The following SYBU variants were observed in gnomAD, a reference collection of about 807,000 sequenced individuals.
SYBU encodes the protein GOLSYN A protein.
SYBU carries 21 observed loss-of-function variants against 35.9 expected under a neutral mutation model. The observed-to-expected ratio is 0.58, with a 90% CI of 0.41 to 0.84. The LOEUF (loss-of-function observed/expected upper bound fraction) is 0.84, where lower values mean the gene tolerates loss of function less well. SYBU is among the 40% of genes least tolerant of loss of function. SYBU has a pLI of 0.00. For synonymous variants in SYBU, 319 were observed against 324.3 expected, an observed-to-expected ratio of 0.98 and a Z score of 0.18; for missense variants, 768 against 848.2, an observed-to-expected ratio of 0.91 and a Z score of 1.17.
chr8:109,644,791 G>GCGC lies in SYBU; in HGVS notation c.-135_-133dup, dbSNP rs985244761. 3.3e-6 allele frequency: 3 copies of GCGC among 907,362 alleles called. No homozygotes were observed. The highest frequency in any genetic ancestry group is 4.3e-5 in the Admixed American group (1 of 23,258). 56.2% of individuals were successfully genotyped at this position (907,362 alleles called of 1,614,324 possible). Reference sequence around the variant, plus strand: ...CGGCGGCTCTTGGTGAGGCTCCAACGCGCCGCCGCCGCCACTGCCGCCGAT... The same window carrying GCGC: ...CGGCGGCTCTTGGTGAGGCTCCAACGCGCCGCCGCCGCCGCCACTGCCGCCGAT... On this transcript the variant is annotated 5_prime_UTR_variant, in exon 1 of 7. Coordinates refer to ENST00000276646, the MANE Select transcript of SYBU (RefSeq NM_001099754.2).
chr8:109,590,718 A>T (rs575950907), intron 3 of SYBU, among the ~76,000 whole-genome samples: 16 of 151,986 alleles, frequency 1.1e-4, no homozygotes, highest in African/African-American at 3.4e-4. Flanking sequence ...TATTTCTAAC[A>T]CATGATAAAA....
chr8:109,641,437 A>G (rs138885234), intron 2 of SYBU, among the ~76,000 whole-genome samples: 170 of 152,380 alleles, frequency 1.1e-3, no homozygotes, highest in African/African-American at 3.7e-3. Context: ...CAAGGCAAGT[A>G]TTATAATCTC....
At chr8:109,594,964 T>C (rs1441098914) in intron 3 of SYBU, among the ~76,000 whole-genome samples, 1 of 152,246 alleles carries the variant, frequency 6.6e-6, no homozygotes, top group Non-Finnish European at 1.5e-5. Flanking sequence ...GCTTCATTTT[T>C]TTCTATGAAA....
Position 109,644,717 on chromosome 8 carries a change from C to T in SYBU, c.-58G>A. 3 of 1,459,466 alleles carry T rather than the reference C, an allele frequency of 2.1e-6. No individual in the cohort carries two copies. The highest frequency in any genetic ancestry group is 2.7e-6 in the Non-Finnish European group (3 of 1,113,924). 90.4% of individuals were successfully genotyped at this position (1,459,466 alleles called of 1,614,324 possible). On this transcript the variant is annotated 5_prime_UTR_variant, in exon 1 of 7. Coordinates refer to ENST00000276646, the MANE Select transcript of SYBU (RefSeq NM_001099754.2). ...GCTGCCGCCGTCCAGGAGGAGGCACCTGCGAGCACGGAGCGAGGAGACTGC... is the reference window on the plus strand; with the variant it reads ...GCTGCCGCCGTCCAGGAGGAGGCACTTGCGAGCACGGAGCGAGGAGACTGC...
rs1822067962 is a variant in SYBU, at chr8:109,575,110, C to G, written c.1788G>C (p.Gly596=). The G allele has an allele frequency of 1.2e-6, 2 of 1,613,104 alleles. No homozygotes were observed. The highest frequency in any genetic ancestry group is 2.2e-5 in the East Asian group (1 of 44,850). ...RLDGVIPLAR[G]GVVRQYWSSS... ...TGCTCCAGTACTGCCTCACGACGCCCCCGCGAGCCAGTGGGATGACACCAT... is the reference window on the plus strand; with the variant it reads ...TGCTCCAGTACTGCCTCACGACGCCGCCGCGAGCCAGTGGGATGACACCAT... The change falls in exon 7 of 7, where the codon GGG becomes GGC. Residue 596 remains glycine, a synonymous_variant. Transcript: ENST00000276646.
At chr8:109,620,577 A>G (rs942623631) in intron 2 of SYBU, among the ~76,000 whole-genome samples, 4 of 152,134 alleles carry the variant, frequency 2.6e-5, no homozygotes, top group Admixed American at 6.5e-5. Context: ...TCTCTTGATA[A>G]TCGTGTTTTG....
At position 109,575,124 on chromosome 8, in the gene SYBU, G is replaced by C. The variant is rs1443761356; in HGVS notation, c.1774C>G (p.Pro592Ala). ...CTCACGACGCCCCCGCGAGCCAGTG[G>C]GATGACACCATCCAACCTCTCTTCC... ...CVEERLDGVI[P>A]LARGGVVRQY... The change falls in exon 7 of 7, where the codon CCA becomes GCA. Residue 592 changes from proline (P) to alanine (A), a missense_variant. Physicochemically the swap from Pro to Ala is conservative, Grantham distance 27. Coordinates refer to ENST00000276646, the MANE Select transcript of SYBU (RefSeq NM_001099754.2). 1.2e-6 allele frequency: 2 copies of C among 1,613,976 alleles called. No homozygotes were observed. Among genetic ancestry groups the C allele is most frequent in the African/African-American group, 2.7e-5 (2 of 74,942 alleles).
intron 2 of SYBU, among the ~76,000 whole-genome samples, chr8:109,622,729 A>G (rs191544315): frequency 6.6e-6 from 1 of 152,164 alleles, no homozygotes; most frequent in African/African-American, 2.4e-5. Context: ...TTTCCTGTAC[A>G]ATCTATAGAT....
At chr8:109,673,390 C>G (rs1160246532) in intron 1 of SYBU, among the ~76,000 whole-genome samples, 2 of 152,310 alleles carry the variant, frequency 1.3e-5, no homozygotes, top group East Asian at 1.9e-4. Context: ...CCCAGGCAAA[C>G]AGAGTCTGGA....
intron 3 of SYBU, among the ~76,000 whole-genome samples, chr8:109,611,131 G>T (rs1811120396): frequency 6.6e-6 from 1 of 152,116 alleles, no homozygotes; most frequent in Admixed American, 6.6e-5. Flanking sequence ...TTGAATGGTG[G>T]GTATCTGGTC....
upstream of SYBU, chr8:109,644,980 G>T (rs938265921): frequency 4.2e-6 from 2 of 474,586 alleles, no homozygotes; most frequent in Non-Finnish European, 7.8e-6. Flanking sequence ...ATTTCCCCAC[G>T]GCACTCCGCG....
Position 109,575,573 on chromosome 8 carries a change from A to T in SYBU, c.1325T>A (p.Phe442Tyr). The T allele has an allele frequency of 6.2e-7, 1 of 1,614,090 alleles. No individual in the cohort carries two copies. The highest frequency in any genetic ancestry group is 1.1e-5 in the South Asian group (1 of 91,072). The change falls in exon 7 of 7, where the codon TTC (phenylalanine) becomes TAC (tyrosine). Residue 442 changes from phenylalanine to tyrosine, a missense_variant. Physicochemically the swap from Phe to Tyr is conservative, Grantham distance 22. Coordinates refer to ENST00000276646, the MANE Select transcript of SYBU (RefSeq NM_001099754.2). ...GDSIANSTDLFDEIVTATTTE... is the reference protein window; with the variant it reads ...GDSIANSTDLYDEIVTATTTE... ...GGTGGTGGCTGTCACTATCTCATCG[A>T]ACAAATCTGTGCTGTTGGCTATGCT...
chr8:109,591,479 C>G (rs1824238531), intron 3 of SYBU, among the ~76,000 whole-genome samples: 1 of 150,022 alleles, frequency 6.7e-6, no homozygotes, highest in South Asian at 2.1e-4. Context: ...TATGAACAAT[C>G]CATTTTTTCC....
chr8:109,602,472 C>A (rs1245452513), intron 3 of SYBU, among the ~76,000 whole-genome samples: 1 of 143,578 alleles, frequency 7.0e-6, no homozygotes, highest in South Asian at 2.2e-4. Flanking sequence ...TCACTCCCAT[C>A]GTCCAGGCTG....
At chr8:109,577,772 T>G in intron 6 of SYBU, 96 bp downstream of exon 6, 1 of 1,338,350 alleles carries the variant, frequency 7.5e-7, no homozygotes, top group Non-Finnish European at 1.0e-6. Context: ...ATACAATCAT[T>G]TTTTCTTTTC....
intron 1 of SYBU, among the ~76,000 whole-genome samples, chr8:109,657,723 C>T (rs952264570): frequency 6.6e-6 from 1 of 152,170 alleles, no homozygotes. Context: ...CAATCTGAAA[C>T]CTTTGAGCAA....
intron 3 of SYBU, among the ~76,000 whole-genome samples, chr8:109,598,912 A>G (rs1825187389): frequency 6.6e-6 from 1 of 152,234 alleles, no homozygotes; most frequent in African/African-American, 2.4e-5. Context: ...AGTAGACAAC[A>G]GGTAAGTTGC....
intron 2 of SYBU, among the ~76,000 whole-genome samples, chr8:109,632,811 A>T (rs993888698): frequency 1.3e-5 from 2 of 152,212 alleles, no homozygotes; most frequent in Non-Finnish European, 2.9e-5. Flanking sequence ...GTAGAGTGAC[A>T]CGCCACGCTG....
chr8:109,643,095 C>G, intron 1 of SYBU, 163 bp from the exon 2 acceptor site: 1 of 1,368,500 alleles, frequency 7.3e-7, no homozygotes, highest in Non-Finnish European at 9.4e-7. Flanking sequence ...AGCTTCAAAA[C>G]TCTTCCAATG....
Sources: allele counts gnomAD v4.1 joint callset (sites outside exome capture counted in the v4.1 genomes callset), GRCh38; gene constraint gnomAD v4.1.1; transcripts MANE v1.5; gene names NCBI Gene and HGNC (gene_info 2026-07-23, HGNC 2026-07-21).